Variants in RIN3 observed in about 807,000 individuals in gnomAD.
The protein encoded by RIN3 is RAB5 interacting protein 3.
A neutral mutation model predicts 76.3 loss-of-function variants in RIN3; 54 were observed. The ratio of observed to expected loss-of-function variants is 0.71; its 90% CI spans 0.57 to 0.89. RIN3 has a LOEUF of 0.89. RIN3 is among the 40% of genes least tolerant of loss of function. RIN3 has a pLI of 0.00. For missense variants in RIN3, 1,256 were observed against 1,322.1 expected, an observed-to-expected ratio of 0.95 and a Z score of 0.78; for synonymous variants, 576 against 564.0, an observed-to-expected ratio of 1.02 and a Z score of -0.30.
At chr14:92,611,297 T>A (rs983831690) in intron 3 of RIN3, among the ~76,000 whole-genome samples, 20 of 152,168 alleles carry the variant, frequency 1.3e-4, no homozygotes, top group African/African-American at 4.6e-4. Context: ...TGACCTTCTT[T>A]TTTTTTGGAG....
At chr14:92,567,362 G>T (rs1176290277) in intron 2 of RIN3, among the ~76,000 whole-genome samples, 1 of 152,174 alleles carries the variant, frequency 6.6e-6, no homozygotes, top group Non-Finnish European at 1.5e-5. Flanking sequence ...ATTTGGGCTG[G>T]GTTCAGCTGA....
chr14:92,627,817 T>C (rs951822026), intron 4 of RIN3, among the ~76,000 whole-genome samples: 9 of 152,222 alleles, frequency 5.9e-5, no homozygotes, highest in African/African-American at 1.7e-4. Context: ...CCCAGATTGT[T>C]AGAAACAAAT....
chr14:92,688,052 G>T lies in RIN3; in HGVS notation c.2758G>T (p.Ala920Ser). 1 of 1,601,216 alleles carries T rather than the reference G, an allele frequency of 6.2e-7. No homozygotes were observed. Among genetic ancestry groups the T allele is most frequent in the Non-Finnish European group, 8.5e-7 (1 of 1,175,250 alleles). Residue 920 changes from alanine (A) to serine (S), a missense_variant, in exon 10 of 10, where the codon GCG becomes TCG. By Grantham distance (99) the Ala-to-Ser change is moderately conservative. This residue lies in a region of RIN3 where 218 missense variants were observed against 174.5 expected (regional missense o/e 1.25). Transcript: ENST00000216487. ...GAAGTTCGCGGTGGAGCGGCCGCAGGCGCACCGGCTGTTCGTGCTGGTGGA... is the reference window on the plus strand; with the variant it reads ...GAAGTTCGCGGTGGAGCGGCCGCAGTCGCACCGGCTGTTCGTGCTGGTGGA... ...AEKFAVERPQ[A>S]HRLFVLVDGR...
intron 3 of RIN3, among the ~76,000 whole-genome samples, chr14:92,611,138 A>G (rs1265713647): frequency 6.6e-6 from 1 of 152,098 alleles, no homozygotes; most frequent in Non-Finnish European, 1.5e-5. Flanking sequence ...GAGACTGCGG[A>G]AGCATCTGTT....
At chr14:92,671,382 G>A (rs1171175892) in intron 7 of RIN3, among the ~76,000 whole-genome samples, 2 of 152,170 alleles carry the variant, frequency 1.3e-5, no homozygotes, top group African/African-American at 4.8e-5. Context: ...AGAGTTCAGG[G>A]AATGGGCCGT....
chr14:92,582,442 C>CTTTTTT (rs35072092), intron 3 of RIN3, among the ~76,000 whole-genome samples: 3 of 117,558 alleles, frequency 2.6e-5, no homozygotes, highest in Admixed American at 1.0e-4. Flanking sequence ...TCCTTTTTTA[C>CTTTTTT]TTTTTTTTTT....
At chr14:92,621,821 C>T (rs545471062) in intron 4 of RIN3, among the ~76,000 whole-genome samples, 137 of 152,294 alleles carry the variant, frequency 9.0e-4, no homozygotes, top group Middle Eastern at 3.4e-3. Context: ...CACATCTAGA[C>T]GTGTATACAC....
At chr14:92,537,801 G>T (rs10135647) in intron 1 of RIN3, among the ~76,000 whole-genome samples, 1 of 150,256 alleles carries the variant, frequency 6.7e-6, no homozygotes, top group Admixed American at 6.6e-5. Context: ...ACAGGTGCAC[G>T]CCACCACGCC....
At chr14:92,638,673 TG>T (rs1257616965) in intron 4 of RIN3, among the ~76,000 whole-genome samples, 2 of 151,978 alleles carry the variant, frequency 1.3e-5, no homozygotes, top group Non-Finnish European at 2.9e-5. Flanking sequence ...AAATTAGAGC[TG>T]GGGTTAGTGG....
chr14:92,654,773 A>C (rs1252362035), intron 6 of RIN3, among the ~76,000 whole-genome samples: 1 of 152,228 alleles, frequency 6.6e-6, no homozygotes, highest in Non-Finnish European at 1.5e-5. Flanking sequence ...CCAACTCCGC[A>C]TCAGGTGCTG....
In RIN3 at chr14:92,676,617, AC is replaced by A; in HGVS notation, c.2467+16del. 1.2e-6 allele frequency: 2 copies of A among 1,610,872 alleles called. No homozygotes were observed. The highest frequency in any genetic ancestry group is 1.7e-6 in the Non-Finnish European group (2 of 1,178,508). On this transcript the variant is annotated intron_variant, in intron 8 of 9. Transcript: ENST00000216487. ...TGCAGCTGGGGGAGGGTGAGTCACC[AC>A]CCCCTGCCCATCAGGTGCATTGCAC... is the stretch of plus-strand genomic sequence containing the variant.
At chr14:92,520,556 C>T (rs1296600840) in intron 1 of RIN3, among the ~76,000 whole-genome samples, 2 of 152,208 alleles carry the variant, frequency 1.3e-5, no homozygotes, top group Admixed American at 6.5e-5. Context: ...ACATTTAACA[C>T]GGGGTGTCAG....
intron 1 of RIN3, among the ~76,000 whole-genome samples, chr14:92,527,072 A>T: frequency 8.3e-6 from 1 of 120,304 alleles, no homozygotes; most frequent in African/African-American, 3.3e-5. Flanking sequence ...TTTTTTTGAG[A>T]CAGAGTCTCG....
At chr14:92,621,544 G>A (rs180967833) in intron 4 of RIN3, among the ~76,000 whole-genome samples, 2 of 152,298 alleles carry the variant, frequency 1.3e-5, no homozygotes, top group East Asian at 3.9e-4. Context: ...AAACTGTTGG[G>A]GGTGGGGAGC....
In RIN3 at chr14:92,652,891, G is replaced by T. The variant is rs142902888; in HGVS notation, c.1842G>T (p.Ser614=). 1.3e-4 allele frequency: 202 copies of T among 1,614,064 alleles called. No individual in the cohort carries two copies. The East Asian group carries it at 4.3e-3, about 34-fold the overall frequency. The stretch of plus-strand genomic sequence containing the variant: ...TGGAGCTGGCGCAGGACAAGGGCTC[G>T]TACTTTGGCAGCCTGGTGCAGGACT... The part of the protein sequence containing the change: ...KVVELAQDKG[S]YFGSLVQDYK... The change falls in exon 6 of 10, where the codon TCG becomes TCT. Residue 614 remains serine, a synonymous_variant. Transcript: ENST00000216487. This position sits in a 1 kb window ranked among gnomAD's most constrained non-coding sequence, Gnocchi z 6.4.
chr14:92,557,020 C>G (rs1165631025), intron 2 of RIN3, among the ~76,000 whole-genome samples: 1 of 152,160 alleles, frequency 6.6e-6, no homozygotes, highest in Non-Finnish European at 1.5e-5. Context: ...CCCTACACTC[C>G]CTCCCCCTTC....
chr14:92,585,885 G>C (rs982119929), intron 3 of RIN3, among the ~76,000 whole-genome samples: 10 of 152,232 alleles, frequency 6.6e-5, no homozygotes, highest in African/African-American at 2.4e-5. Flanking sequence ...TTGGTGTCGA[G>C]AAGGCAGCCT....
chr14:92,527,055 T>TG (rs1274978518), intron 1 of RIN3, among the ~76,000 whole-genome samples: 1 of 145,488 alleles, frequency 6.9e-6, no homozygotes, highest in Non-Finnish European at 1.5e-5. Flanking sequence ...TCTTTTTTTT[T>TG]TTTTTTTTTT....
intron 3 of RIN3, among the ~76,000 whole-genome samples, chr14:92,613,784 C>T (rs1053979715): frequency 6.6e-6 from 1 of 152,240 alleles, no homozygotes; most frequent in African/African-American, 2.4e-5. Flanking sequence ...CGGGTCCTGC[C>T]TTCCCTCTCC....
Sources: gnomAD v4.1 joint callset for allele counts (sites outside exome capture counted in the v4.1 genomes callset) on GRCh38, gnomAD v4.1.1 for gene constraint, gnomAD v4.1.1 regional missense constraint, Gnocchi (gnomAD v3.1) non-coding constraint, MANE v1.5 for transcripts, NCBI Gene and HGNC (gene_info 2026-07-23, HGNC 2026-07-21) for gene names.